Variants in IKBKB-DT observed in about 807,000 individuals in gnomAD.
IKBKB-DT encodes IKBKB antisense RNA.
At chr8:42,252,041 C>T (rs544742143) in intron 3 of IKBKB-DT, among the ~76,000 whole-genome samples, 7 of 152,242 alleles carry the variant, frequency 4.6e-5, no homozygotes, top group South Asian at 4.1e-4. Flanking sequence ...CTGGCTGCTG[C>T]GCCAATAGGA....
chr8:42,271,208 G>C (rs1489058969), exon 1 of IKBKB-DT: 2 of 628,662 alleles, frequency 3.2e-6, no homozygotes, highest in Non-Finnish European at 5.8e-6. Context: ...CCGGTCGAGG[G>C]TCCCGGGACA....
chr8:42,242,718 C>A (rs1447140845), intron 3 of IKBKB-DT, among the ~76,000 whole-genome samples: 1 of 152,190 alleles, frequency 6.6e-6, no homozygotes, highest in Non-Finnish European at 1.5e-5. Flanking sequence ...CCACCTCTGC[C>A]AAGTGTCCCC....
At chr8:42,269,440 C>CAAGGG (rs1807449903) in intron 1 of IKBKB-DT, among the ~76,000 whole-genome samples, 4 of 17,054 alleles carry the variant, frequency 2.3e-4, no homozygotes, top group South Asian at 0.011. Context: ...GGAGGGGAAG[C>CAAGGG]GAGGGGAGGG....
intron 3 of IKBKB-DT, among the ~76,000 whole-genome samples, chr8:42,234,200 G>A (rs1000024301): frequency 3.9e-5 from 6 of 152,224 alleles, no homozygotes; most frequent in Non-Finnish European, 8.8e-5. Flanking sequence ...GCAAGATGGA[G>A]TCAGTTAAGT....
intron 2 of IKBKB-DT, among the ~76,000 whole-genome samples, chr8:42,264,699 C>T (rs1807346504): frequency 6.6e-6 from 1 of 152,114 alleles, no homozygotes; most frequent in Non-Finnish European, 1.5e-5. Flanking sequence ...GCTGGGATTA[C>T]AGGTGCCCAC....
At chr8:42,257,473 C>T (rs1260236240) in intron 3 of IKBKB-DT, among the ~76,000 whole-genome samples, 1 of 151,342 alleles carries the variant, frequency 6.6e-6, no homozygotes, top group Non-Finnish European at 1.5e-5. Context: ...TGCACTCCAG[C>T]CTGGCAACAG....
intron 3 of IKBKB-DT, among the ~76,000 whole-genome samples, chr8:42,242,848 C>T (rs74566547): frequency 1.9e-4 from 29 of 152,324 alleles, no homozygotes; most frequent in Non-Finnish European, 4.1e-4. Context: ...CACATGATGG[C>T]TGCAGGACCG....
intron 2 of IKBKB-DT, among the ~76,000 whole-genome samples, chr8:42,265,019 C>T (rs951004967): frequency 2.7e-5 from 4 of 150,436 alleles, no homozygotes; most frequent in Non-Finnish European, 4.4e-5. Flanking sequence ...CTTGCCACCA[C>T]GCCCAGCTAA....
intron 3 of IKBKB-DT, among the ~76,000 whole-genome samples, chr8:42,242,861 C>A (rs754288645): frequency 6.6e-6 from 1 of 152,218 alleles, no homozygotes; most frequent in African/African-American, 2.4e-5. Flanking sequence ...CAGGACCGGA[C>A]TTTGTAGTAA....
intron 3 of IKBKB-DT, among the ~76,000 whole-genome samples, chr8:42,237,923 G>A (rs1255456580): frequency 2.7e-5 from 4 of 150,386 alleles, no homozygotes; most frequent in Non-Finnish European, 4.4e-5. Flanking sequence ...TACTCCAGAG[G>A]CTGAGGTGGG....
chr8:42,250,071 T>TTTTG (rs141435991), intron 3 of IKBKB-DT, among the ~76,000 whole-genome samples: 26 of 152,166 alleles, frequency 1.7e-4, no homozygotes, highest in East Asian at 7.7e-4. Flanking sequence ...AACTAGAGGT[T>TTTTG]TTTGTTTGTT....
At chr8:42,246,281 G>A (rs1807062028) in intron 3 of IKBKB-DT, among the ~76,000 whole-genome samples, 1 of 152,040 alleles carries the variant, frequency 6.6e-6, no homozygotes, top group East Asian at 1.9e-4. Flanking sequence ...ACCCCACTTG[G>A]CCTCCCAAAA....
At chr8:42,251,247 T>C (rs1159717160) in intron 3 of IKBKB-DT, among the ~76,000 whole-genome samples, 1 of 152,216 alleles carries the variant, frequency 6.6e-6, no homozygotes, top group Non-Finnish European at 1.5e-5. Flanking sequence ...AGAGCACACT[T>C]GAACAAAGGA....
intron 3 of IKBKB-DT, among the ~76,000 whole-genome samples, chr8:42,251,135 C>G (rs769692147): frequency 7.9e-5 from 12 of 152,126 alleles, no homozygotes; most frequent in African/African-American, 2.9e-4. Context: ...AATAGATCAT[C>G]GGTGCCACGA....
intron 3 of IKBKB-DT, among the ~76,000 whole-genome samples, chr8:42,234,336 C>T (rs1806891345): frequency 6.6e-6 from 1 of 152,066 alleles, no homozygotes; most frequent in Non-Finnish European, 1.5e-5. Flanking sequence ...GACGAGCTTC[C>T]CACTGTAACA....
At position 42,259,303 on chromosome 8, in the gene IKBKB-DT, G is replaced by A. The variant is rs551851151; in HGVS notation, n.1529+4026C>T. Among the ~76,000 whole-genome samples the A allele has an allele frequency of 2.2e-4, 33 of 152,284 alleles. No homozygotes were observed. In the East Asian group the frequency reaches 6.4e-3, roughly 29 times the overall value. Reference sequence around the variant, plus strand: ...GCCTCCCAAAGTGCTGGGATTACAGGCATGAGCTACTGTGCCCAGCCTGTA... The same window carrying A: ...GCCTCCCAAAGTGCTGGGATTACAGACATGAGCTACTGTGCCCAGCCTGTA... On this transcript the variant is annotated intron_variant and non_coding_transcript_variant, in intron 3 of 3. Transcript: ENST00000518213.
intron 3 of IKBKB-DT, among the ~76,000 whole-genome samples, chr8:42,247,966 G>A (rs1282452835): frequency 1.1e-4 from 17 of 151,834 alleles, no homozygotes; most frequent in African/African-American, 4.8e-5. Flanking sequence ...AGTAGTGGGC[G>A]CCTCTAATCC....
At chr8:42,237,400 C>T (rs771690610) in intron 3 of IKBKB-DT, among the ~76,000 whole-genome samples, 21 of 152,046 alleles carry the variant, frequency 1.4e-4, no homozygotes, top group African/African-American at 4.8e-4. Flanking sequence ...CTTATGATCT[C>T]TATTTTAACA....
chr8:42,257,233 G>T (rs1260988678), intron 3 of IKBKB-DT, among the ~76,000 whole-genome samples: 1 of 152,212 alleles, frequency 6.6e-6, no homozygotes, highest in Non-Finnish European at 1.5e-5. Flanking sequence ...GCCGGGTGCA[G>T]TGGCTTATGC....
Sources: gnomAD v4.1 joint callset for allele counts (sites outside exome capture counted in the v4.1 genomes callset) on GRCh38, gnomAD v4.1.1 for gene constraint, MANE v1.5 for transcripts, NCBI Gene and HGNC (gene_info 2026-07-23, HGNC 2026-07-21) for gene names.